Variants in SGK3 observed in about 807,000 individuals in gnomAD.
The protein encoded by SGK3 is serine/threonine-protein kinase Sgk3.
SGK3 carries 47 observed loss-of-function variants against 68.5 expected under a neutral mutation model. The ratio of observed to expected loss-of-function variants is 0.69; its 90% CI spans 0.54 to 0.87. SGK3 has a LOEUF of 0.87. SGK3 is among the 40% of genes least tolerant of loss of function. The pLI is 0.00. For synonymous variants in SGK3, 181 were observed against 189.1 expected, an observed-to-expected ratio of 0.96 and a Z score of 0.35; for missense variants, 479 against 575.5, an observed-to-expected ratio of 0.83 and a Z score of 1.72.
chr8:66,789,828 A>G (rs1276996750), intron 1 of SGK3, among the ~76,000 whole-genome samples: 1 of 152,196 alleles, frequency 6.6e-6, no homozygotes, highest in Non-Finnish European at 1.5e-5. Context: ...CTACAATCCC[A>G]GCACTTTGGG....
chr8:66,751,214 A>G (rs943032676), intron 1 of SGK3, among the ~76,000 whole-genome samples: 3 of 152,112 alleles, frequency 2.0e-5, no homozygotes, highest in Non-Finnish European at 4.4e-5. Context: ...AGGCAGGAGA[A>G]TGGCGTGAAA....
intron 16 of SGK3, among the ~76,000 whole-genome samples, chr8:66,856,153 C>T (rs567368817): frequency 1.6e-3 from 238 of 152,094 alleles, no homozygotes; most frequent in African/African-American, 5.2e-3. Flanking sequence ...CTGCAACCTC[C>T]GCCTACCGGG....
At chr8:66,819,767 C>T (rs1322237608) in intron 5 of SGK3, among the ~76,000 whole-genome samples, 1 of 151,790 alleles carries the variant, frequency 6.6e-6, no homozygotes, top group African/African-American at 2.4e-5. Flanking sequence ...TATTCTAAAG[C>T]ATACAATTCA....
At chr8:66,840,415 C>T (rs546256710) in intron 12 of SGK3, among the ~76,000 whole-genome samples, 168 bp downstream of exon 12, 3 of 152,066 alleles carry the variant, frequency 2.0e-5, no homozygotes, top group African/African-American at 7.2e-5. Context: ...TGACAGGGTC[C>T]AAGGGGATAG....
At chr8:66,749,780 T>TAG (rs1333703359) in intron 1 of SGK3, among the ~76,000 whole-genome samples, 1 of 152,050 alleles carries the variant, frequency 6.6e-6, no homozygotes, top group East Asian at 1.9e-4. Context: ...TGTTTATATA[T>TAG]AGATGCAGAA....
intron 1 of SGK3, among the ~76,000 whole-genome samples, chr8:66,752,353 C>T (rs1234298676): frequency 6.6e-6 from 1 of 152,076 alleles, no homozygotes. Flanking sequence ...AAGTCTGGGG[C>T]AATCTGGGGC....
At chr8:66,739,595 C>T (rs1201620125) in intron 1 of SGK3, among the ~76,000 whole-genome samples, 1 of 152,056 alleles carries the variant, frequency 6.6e-6, no homozygotes, top group Admixed American at 6.6e-5. Context: ...GGGGTTTCAC[C>T]ATGTTGGCCA....
chr8:66,842,223 CT>C (rs1237528455), intron 13 of SGK3, among the ~76,000 whole-genome samples: 253 of 137,684 alleles, frequency 1.8e-3, no homozygotes, highest in Middle Eastern at 3.8e-3. Flanking sequence ...TTTTCTTTTC[CT>C]TTTTTTTTTT....
At chr8:66,754,904 T>A (rs1805927311) in intron 1 of SGK3, among the ~76,000 whole-genome samples, 1 of 152,208 alleles carries the variant, frequency 6.6e-6, no homozygotes. Context: ...GAGAAAATAA[T>A]GTGTTTAGGG....
intron 14 of SGK3, among the ~76,000 whole-genome samples, chr8:66,845,855 G>C (rs1231810441): frequency 6.6e-6 from 1 of 151,900 alleles, no homozygotes; most frequent in Admixed American, 6.6e-5. Flanking sequence ...ACTGTGCCTG[G>C]CGTCACTTTT....
intron 16 of SGK3, 116 bp from the exon 17 acceptor site, chr8:66,859,295 T>C: frequency 7.9e-7 from 1 of 1,265,382 alleles, no homozygotes; most frequent in Non-Finnish European, 1.0e-6. Context: ...ATCGCGCCAC[T>C]GGCATGCCAG....
At chr8:66,838,089 C>T (rs1241357711) in intron 10 of SGK3, among the ~76,000 whole-genome samples, 2 of 152,130 alleles carry the variant, frequency 1.3e-5, no homozygotes, top group Admixed American at 6.5e-5. Context: ...TTTATTGAGA[C>T]GGAGTCTCTC....
At chr8:66,741,903 T>C (rs1195829295) in intron 1 of SGK3, among the ~76,000 whole-genome samples, 2 of 152,144 alleles carry the variant, frequency 1.3e-5, no homozygotes, top group African/African-American at 2.4e-5. Flanking sequence ...AAATAAACAA[T>C]TATAATCTAA....
intron 1 of SGK3, among the ~76,000 whole-genome samples, chr8:66,758,931 T>C (rs1318809548): frequency 6.6e-6 from 1 of 152,126 alleles, no homozygotes; most frequent in Non-Finnish European, 1.5e-5. Flanking sequence ...CAACAAAAAT[T>C]TATTCTGTTA....
At position 66,861,644 on chromosome 8, in the gene SGK3, C is replaced by A. The variant is rs1469705282; in HGVS notation, c.*2063C>A. ...TGTCTTGAGAAAGAAATCACAGAAG[C>A]ATTTCTCACCAATACTCTTTGGCTT... On this transcript the variant is annotated 3_prime_UTR_variant, in exon 17 of 17. Transcript: ENST00000521198. 1 of 152,114 alleles carries A rather than the reference C, an allele frequency of 6.6e-6. No homozygotes were observed. The highest frequency in any genetic ancestry group is 1.5e-5 in the Non-Finnish European group (1 of 68,018). The allele number at this position is 152,114 out of a possible 1,614,324, so 9.4% of individuals were successfully genotyped here. A position where few individuals can be genotyped will look rare whatever the true frequency, so the allele number is the denominator to read the frequency against.
chr8:66,833,217 G>T (rs1434238611), intron 8 of SGK3, among the ~76,000 whole-genome samples: 1 of 152,144 alleles, frequency 6.6e-6, no homozygotes, highest in African/African-American at 2.4e-5. Context: ...TGTTGGCCAG[G>T]CTGGTCTTGA....
chr8:66,814,603 A>G (rs1399649915), intron 5 of SGK3, among the ~76,000 whole-genome samples: 1 of 152,184 alleles, frequency 6.6e-6, no homozygotes, highest in African/African-American at 2.4e-5. Context: ...GGTTGGGTGC[A>G]CATGCCACCA....
In SGK3 at chr8:66,825,078, T is replaced by C. The variant is rs118076700; in HGVS notation, c.417+2619T>C. Among the ~76,000 whole-genome samples, 116 of 152,320 alleles carry C rather than the reference T, an allele frequency of 7.6e-4. 3 individuals carry two copies. In the East Asian group the frequency reaches 0.019, roughly 24 times the overall value. On this transcript the variant is annotated intron_variant, in intron 6 of 16. Transcript: ENST00000521198. ...GTGAGACTAGGTAGGTTTAGGTTATTTGAAGCCTATCTTGCCTTGCAGTGG... is the reference window on the plus strand; with the variant it reads ...GTGAGACTAGGTAGGTTTAGGTTATCTGAAGCCTATCTTGCCTTGCAGTGG...
chr8:66,806,727 C>G (rs1808179443), intron 4 of SGK3, among the ~76,000 whole-genome samples: 1 of 150,498 alleles, frequency 6.6e-6, no homozygotes, highest in African/African-American at 2.4e-5. Context: ...GCAAGAGAAT[C>G]ACTTGAATCC....
Sources: allele counts gnomAD v4.1 joint callset (sites outside exome capture counted in the v4.1 genomes callset), GRCh38; gene constraint gnomAD v4.1.1; transcripts MANE v1.5; gene names NCBI Gene and HGNC (gene_info 2026-07-23, HGNC 2026-07-21).